ZZEF1: variants seen among roughly 807,000 people sequenced by gnomAD.
ZZEF1 encodes zinc finger ZZ-type and EF-hand domain-containing protein 1.
In ZZEF1, 157 loss-of-function variants were observed where a neutral mutation model predicts 342.8. The ratio of observed to expected loss-of-function variants is 0.46; its 90% CI spans 0.40 to 0.52. ZZEF1 has a LOEUF of 0.52. Ranked by LOEUF, ZZEF1 falls within the 20% of genes least tolerant of loss-of-function variation. The probability of loss-of-function intolerance (pLI) is 0.00; values close to 1 mark genes in which losing one functional copy is unlikely to be tolerated. For synonymous variants in ZZEF1, 1,505 were observed against 1,429.1 expected (o/e 1.05, Z -1.20); for missense variants, 3,480 against 3,725.6 (o/e 0.93, Z 1.72).
intron 2 of ZZEF1, among the ~76,000 whole-genome samples, chr17:4,120,445 G>A (rs983696040): frequency 1.3e-5 from 2 of 152,178 alleles, no homozygotes; most frequent in South Asian, 4.1e-4. Context: ...GAAATAATAG[G>A]ATATATGTAT....
intron 42 of ZZEF1, among the ~76,000 whole-genome samples, chr17:4,031,404 G>T (rs2056543857): frequency 6.6e-6 from 1 of 152,038 alleles, no homozygotes; most frequent in African/African-American, 2.4e-5. Flanking sequence ...ATAGATTAAT[G>T]AAACATAATA....
intron 1 of ZZEF1, among the ~76,000 whole-genome samples, chr17:4,134,761 T>C (rs1305364340): frequency 6.6e-6 from 1 of 152,010 alleles, no homozygotes; most frequent in Non-Finnish European, 1.5e-5. Flanking sequence ...TTAACCACTA[T>C]ACCATGGGCC....
At chr17:4,074,012 T>G in intron 24 of ZZEF1, 138 bp downstream of exon 24, 1 of 985,786 alleles carries the variant, frequency 1.0e-6, no homozygotes, top group Non-Finnish European at 1.5e-6. Context: ...GACACTTTAT[T>G]CTTTCGGTTT....
intron 13 of ZZEF1, among the ~76,000 whole-genome samples, chr17:4,088,377 TTC>T (rs1345664435): frequency 1.3e-5 from 2 of 152,194 alleles, no homozygotes; most frequent in Non-Finnish European, 2.9e-5. Context: ...ATGAACTCTG[TTC>T]TGTTTGTTTC....
At chr17:4,025,573 T>C (rs1397106509) in intron 42 of ZZEF1, among the ~76,000 whole-genome samples, 1 of 151,642 alleles carries the variant, frequency 6.6e-6, no homozygotes, top group African/African-American at 2.4e-5. Context: ...TCCCAGCTAC[T>C]CAGGAGGCTG....
chr17:4,104,961 G>T (rs1597898624), intron 7 of ZZEF1, 150 bp from the exon 8 acceptor site: 9 of 632,616 alleles, frequency 1.4e-5, no homozygotes, highest in East Asian at 5.8e-5. Flanking sequence ...AATCCTTAAG[G>T]TAACCTAAGG....
intron 39 of ZZEF1, among the ~76,000 whole-genome samples, chr17:4,039,257 C>T (rs1398264192): frequency 2.0e-5 from 3 of 151,994 alleles, no homozygotes; most frequent in Non-Finnish European, 2.9e-5. Flanking sequence ...TGCTTGAGAT[C>T]GGCAGTTCTA....
chr17:4,122,608 G>A (rs965457627), intron 2 of ZZEF1, among the ~76,000 whole-genome samples: 2 of 152,066 alleles, frequency 1.3e-5, no homozygotes, highest in Admixed American at 6.5e-5. Context: ...TTGAACTCCC[G>A]ACCTCAGGTC....
chr17:4,134,458 AAAAC>A (rs2058717186), intron 1 of ZZEF1, among the ~76,000 whole-genome samples: 1 of 151,498 alleles, frequency 6.6e-6, no homozygotes, highest in African/African-American at 2.4e-5. Flanking sequence ...TTTCCCTTCA[AAAAC>A]CTCACAGCCT....
rs755192996 is a variant in ZZEF1 at position 4,006,914 on chromosome 17, G to T, written c.8862C>A (p.Thr2954=). ...GCTAACACTCCACATTCCAGAGGCG[G>T]GTGGCCTTGTTTGGGTAGTTGATGG... The part of the protein sequence containing the change: ...SLAINYPNKA[T]RLWNVEC Residue 2954 remains threonine (T), a synonymous_variant, in exon 55 of 55, where the codon ACC becomes ACA. Transcript: ENST00000381638. 9 of 1,571,562 alleles carry T rather than the reference G, an allele frequency of 5.7e-6. No homozygotes were observed. Among genetic ancestry groups the T allele is most frequent in the Non-Finnish European group, 7.8e-6 (9 of 1,156,926 alleles).
intron 21 of ZZEF1, among the ~76,000 whole-genome samples, 191 bp from the exon 22 acceptor site, chr17:4,075,620 C>A (rs1239273068): frequency 6.6e-6 from 1 of 152,144 alleles, no homozygotes; most frequent in Non-Finnish European, 1.5e-5. Flanking sequence ...ACCACGCAGC[C>A]GAGGAGATGT....
In ZZEF1 at chr17:4,008,709, C is replaced by T. The variant is rs1221813705; in HGVS notation, c.8805+174G>A. 1.4e-6 allele frequency: 2 copies of T among 1,385,308 alleles called. No homozygotes were observed. Among genetic ancestry groups the T allele is most frequent in the East Asian group, 2.7e-5 (1 of 36,872 alleles). 85.8% of individuals were successfully genotyped at this position (1,385,308 alleles called of 1,614,324 possible). A position where few individuals can be genotyped will look rare whatever the true frequency, so the allele number is the denominator to read the frequency against. Reference sequence around the variant, plus strand: ...GTGAATGACTCTGATAAATGGGGCTCGTGCATGCTCTCTGAGCACCAGGAG... The same window carrying T: ...GTGAATGACTCTGATAAATGGGGCTTGTGCATGCTCTCTGAGCACCAGGAG... On this transcript the variant is annotated intron_variant, in intron 54 of 54. Coordinates refer to ENST00000381638, the MANE Select transcript of ZZEF1 (RefSeq NM_015113.4). The surrounding 1 kb of genome is among the most constrained non-coding windows in gnomAD (Gnocchi z 4.2).
intron 1 of ZZEF1, among the ~76,000 whole-genome samples, chr17:4,124,575 TG>T (rs1214139951): frequency 6.6e-6 from 1 of 151,480 alleles, no homozygotes; most frequent in Non-Finnish European, 1.5e-5. Context: ...CCTGAGTAGC[TG>T]GGACTACAGG....
At chr17:4,085,197 T>G (rs922849800) in intron 16 of ZZEF1, among the ~76,000 whole-genome samples, 6 of 152,028 alleles carry the variant, frequency 3.9e-5, no homozygotes, top group African/African-American at 1.4e-4. Context: ...GGAAGTTACC[T>G]TGAAATAATA....
intron 42 of ZZEF1, among the ~76,000 whole-genome samples, chr17:4,029,490 G>A (rs2603030): frequency 0.071 from 10,664 of 150,732 alleles, 1,172 homozygotes; most frequent in African/African-American, 0.24. Flanking sequence ...AAGGGACACC[G>A]AAAAAGAAAA....
At chr17:4,087,176 A>G (rs765903616) in intron 14 of ZZEF1, among the ~76,000 whole-genome samples, 17 of 152,180 alleles carry the variant, frequency 1.1e-4, no homozygotes, top group Non-Finnish European at 2.1e-4. Context: ...CACCGCGCCC[A>G]GGCAGGAAGT....
chr17:4,082,384 CA>C, intron 17 of ZZEF1, 52 bp downstream of exon 17: 1 of 1,583,554 alleles, frequency 6.3e-7, no homozygotes, highest in South Asian at 1.1e-5. Flanking sequence ...CTCAAGAAAA[CA>C]ACTTTGCAAA....
At chr17:4,091,013 T>C (rs763585598) in intron 11 of ZZEF1, among the ~76,000 whole-genome samples, 183 bp from the exon 12 acceptor site, 2 of 152,220 alleles carry the variant, frequency 1.3e-5, no homozygotes, top group South Asian at 2.1e-4. Flanking sequence ...TGCCTTTCCA[T>C]TGCTCAGTCT....
chr17:4,096,863 C>T (rs927491898), intron 9 of ZZEF1, among the ~76,000 whole-genome samples, 163 bp from the exon 10 acceptor site: 3 of 152,114 alleles, frequency 2.0e-5, no homozygotes, highest in African/African-American at 4.8e-5. Flanking sequence ...GAGGCAACCC[C>T]GATGATAAAG....
Sources: allele counts gnomAD v4.1 joint callset (sites outside exome capture counted in the v4.1 genomes callset), GRCh38; gene constraint gnomAD v4.1.1; non-coding constraint Gnocchi (gnomAD v3.1); transcripts MANE v1.5; gene names NCBI Gene and HGNC (gene_info 2026-07-23, HGNC 2026-07-21).